AGBL1: variants seen among roughly 807,000 people sequenced by gnomAD.
The protein encoded by AGBL1 is cytosolic carboxypeptidase 4.
In AGBL1, 130 loss-of-function variants were observed where a neutral mutation model predicts 118.9. The ratio of observed to expected loss-of-function variants is 1.09; its 90% CI spans 0.95 to 1.26. The LOEUF is 1.26. AGBL1 is among the 50% of genes most tolerant of loss of function. The pLI is 0.00. For synonymous variants in AGBL1, 555 were observed against 478.9 expected (o/e 1.16, Z -2.08); for missense variants, 1,584 against 1,298.1 (o/e 1.22, Z -3.38).
intron 23 of AGBL1, among the ~76,000 whole-genome samples, chr15:86,949,234 T>A (rs1266036927): frequency 6.6e-6 from 1 of 152,188 alleles, no homozygotes; most frequent in Non-Finnish European, 1.5e-5. Context: ...AGCAGACCCA[T>A]GTTCCTATTA....
Position 86,257,980 on chromosome 15 carries a change from T to C in AGBL1, c.918T>C (p.Asp306=). The change falls in exon 9 of 23, where the codon GAT becomes GAC. Residue 306 remains aspartate, a synonymous_variant. Transcript: ENST00000614907. ...CCCATCCAGAGGATTTTGAAGATGA[T>C]GGCGATGATGAAGTGGACAAAGACT... ...HDLPEEDFED[D]GDDEVDKDSD... 1.1e-5 allele frequency: 18 copies of C among 1,613,780 alleles called. No homozygotes were observed. Among genetic ancestry groups the C allele is most frequent in the Non-Finnish European group, 1.4e-5 (17 of 1,179,806 alleles).
At chr15:86,426,909 G>A (rs763225827) in intron 18 of AGBL1, among the ~76,000 whole-genome samples, 15 of 152,254 alleles carry the variant, frequency 9.9e-5, no homozygotes, top group Non-Finnish European at 1.8e-4. Flanking sequence ...GAGATTATGA[G>A]TGCACACCAC....
chr15:86,742,268 C>G (rs145021085), intron 22 of AGBL1, among the ~76,000 whole-genome samples: 1 of 152,122 alleles, frequency 6.6e-6, no homozygotes, highest in African/African-American at 2.4e-5. Flanking sequence ...TGGAATCAGA[C>G]GGCATGGCTT....
chr15:86,733,611 T>C (rs534394552), intron 22 of AGBL1, among the ~76,000 whole-genome samples: 95 of 152,298 alleles, frequency 6.2e-4, no homozygotes, highest in African/African-American at 3.4e-4. Context: ...GTTGTTGTTG[T>C]TGTATTTAAA....
chr15:86,114,758 C>A (rs1188720790), intron 1 of AGBL1, among the ~76,000 whole-genome samples: 2 of 152,114 alleles, frequency 1.3e-5, no homozygotes, highest in Admixed American at 6.5e-5. Flanking sequence ...AAATGACAAC[C>A]CACACCATGC....
At chr15:86,928,612 C>T (rs1256249385) in intron 23 of AGBL1, among the ~76,000 whole-genome samples, 2 of 152,130 alleles carry the variant, frequency 1.3e-5, no homozygotes, top group African/African-American at 4.8e-5. Flanking sequence ...TGCTCTATCA[C>T]TCATATCTAT....
At chr15:86,085,309 G>A (rs1033407803) in intron 1 of AGBL1, among the ~76,000 whole-genome samples, 3 of 152,180 alleles carry the variant, frequency 2.0e-5, no homozygotes, top group Non-Finnish European at 4.4e-5. Context: ...CATGGCGGGG[G>A]TGGGGATTTG....
chr15:87,003,232 T>A (rs1193630459), intron 24 of AGBL1, among the ~76,000 whole-genome samples: 2 of 152,228 alleles, frequency 1.3e-5, no homozygotes, highest in Admixed American at 1.3e-4. Flanking sequence ...TCTATTGAGG[T>A]AATTCTGTGG....
Position 86,911,901 on chromosome 15 carries a change from ATG to A in AGBL1, c.*4609_*4610del, listed in dbSNP as rs1199830929. 6.6e-6 allele frequency: 1 copy of A among 152,108 alleles called. No homozygotes were observed. The allele number at this position is 152,108 out of a possible 1,614,324, so 9.4% of individuals were successfully genotyped here. A position where few individuals can be genotyped will look rare whatever the true frequency, so the allele number is the denominator to read the frequency against. On this transcript the variant is annotated 3_prime_UTR_variant, in exon 23 of 23. Coordinates refer to ENST00000614907, the MANE Select transcript of AGBL1 (RefSeq NM_001386094.1). ...TATGCTTATTTTTAACTTGATAAATATGTCTTTTATACCCACACCCCCATTCA... is the reference window on the plus strand; with the variant it reads ...TATGCTTATTTTTAACTTGATAAATATCTTTTATACCCACACCCCCATTCA...
intron 21 of AGBL1, among the ~76,000 whole-genome samples, chr15:86,651,325 T>C (rs766548760): frequency 4.6e-5 from 7 of 152,158 alleles, no homozygotes; most frequent in African/African-American, 1.2e-4. Context: ...TAACTAGTTA[T>C]AATTTTCTAG....
In AGBL1 at chr15:86,879,043, G is replaced by A. The variant is rs149094435; in HGVS notation, c.3159-28044G>A. Among the ~76,000 whole-genome samples the A allele has an allele frequency of 6.6e-5, 10 of 152,342 alleles. No homozygotes were observed. In the East Asian group the frequency reaches 1.5e-3, roughly 24 times the overall value. On this transcript the variant is annotated intron_variant, in intron 22 of 22. Transcript: ENST00000614907. ...TGAGTCAGACCAAGAGGGGGCGAAA[G>A]CCTTTTGGTGAAGGTCCCAGAAGGC...
chr15:86,783,672 C>G (rs1202934946), intron 22 of AGBL1, among the ~76,000 whole-genome samples: 2 of 152,220 alleles, frequency 1.3e-5, no homozygotes, highest in African/African-American at 4.8e-5. Flanking sequence ...CTCCGTCACC[C>G]AGGCTGGAGT....
intron 22 of AGBL1, among the ~76,000 whole-genome samples, chr15:86,888,420 A>ATTT (rs1405037197): frequency 2.0e-5 from 3 of 152,294 alleles, no homozygotes; most frequent in Non-Finnish European, 4.4e-5. Context: ...GATGAATCAT[A>ATTT]TACCTTTATT....
intron 22 of AGBL1, among the ~76,000 whole-genome samples, chr15:86,883,726 T>G (rs995689656): frequency 2.0e-5 from 3 of 152,226 alleles, no homozygotes; most frequent in Admixed American, 6.5e-5. Context: ...TTTCTTTCCT[T>G]CTTCCATTTT....
At position 86,079,940 on chromosome 15, in the gene AGBL1, G is replaced by A. The variant is rs950305792; in HGVS notation, c.-33G>A. 1.9e-5 allele frequency: 23 copies of A among 1,229,774 alleles called. No homozygotes were observed. The Admixed American group carries it at 2.1e-4, about 11-fold the overall frequency. The allele number at this position is 1,229,774 out of a possible 1,614,324, so 76.2% of individuals were successfully genotyped here. A position where few individuals can be genotyped will look rare whatever the true frequency, so the allele number is the denominator to read the frequency against. ...CTGCCTCTCCAGCCTGGATCTGGCC[G>A]CAGGCAGCGGTTCCCTAGGACCCGA... is the stretch of plus-strand genomic sequence containing the variant. On this transcript the variant is annotated 5_prime_UTR_variant, in exon 1 of 23. Coordinates refer to ENST00000614907, the MANE Select transcript of AGBL1 (RefSeq NM_001386094.1).
At position 86,564,605 on chromosome 15, in the gene AGBL1, T is replaced by G. The variant is rs189605971; in HGVS notation, c.2994+10068T>G. ...AACTTTGGTGAATCTGACAATTATG[T>G]GTCTTCGAGTTGCTCTTCTCAAGGA... On this transcript the variant is annotated intron_variant, in intron 21 of 22. Coordinates refer to ENST00000614907, the MANE Select transcript of AGBL1 (RefSeq NM_001386094.1). 2.4e-3 allele frequency among the ~76,000 whole-genome samples: 367 copies of G among 152,316 alleles called. 1 individual carries two copies. The highest frequency in any genetic ancestry group is 4.4e-3 in the Non-Finnish European group (297 of 68,032).
chr15:86,157,821 A>G (rs990096549), intron 4 of AGBL1, among the ~76,000 whole-genome samples: 2 of 152,194 alleles, frequency 1.3e-5, no homozygotes, highest in African/African-American at 4.8e-5. Flanking sequence ...CAGATGGCCA[A>G]TGAGGATGTT....
intron 22 of AGBL1, among the ~76,000 whole-genome samples, chr15:86,877,738 C>G (rs755178449): frequency 1.4e-4 from 22 of 152,194 alleles, no homozygotes; most frequent in Non-Finnish European, 2.6e-4. Context: ...CCAAGGGACA[C>G]TTACTGCTCC....
intron 22 of AGBL1, among the ~76,000 whole-genome samples, chr15:86,801,136 T>TA (rs1479825676): frequency 1.3e-5 from 2 of 152,108 alleles, no homozygotes; most frequent in Non-Finnish European, 2.9e-5. Context: ...TTCACCATCT[T>TA]ACAGCTTCAA....
Sources: gnomAD v4.1 joint callset for allele counts (sites outside exome capture counted in the v4.1 genomes callset) on GRCh38, gnomAD v4.1.1 for gene constraint, MANE v1.5 for transcripts, NCBI Gene and HGNC (gene_info 2026-07-23, HGNC 2026-07-21) for gene names.